The following KLHL32 variants were observed in gnomAD, a reference collection of about 807,000 sequenced individuals.
KLHL32 encodes the protein kelch-like protein 32.
KLHL32 carries 35 observed loss-of-function variants against 64.8 expected under a neutral mutation model. The ratio of observed to expected loss-of-function variants is 0.54; its 90% CI spans 0.41 to 0.72. The LOEUF (loss-of-function observed/expected upper bound fraction) is 0.72. Ranked by LOEUF, KLHL32 falls within the 30% of genes least tolerant of loss-of-function variation. The pLI, the probability that KLHL32 is intolerant of heterozygous loss-of-function variation, is 0.00. For synonymous variants in KLHL32, 259 were observed against 281.0 expected (o/e 0.92, Z 0.78); for missense variants, 589 against 768.5 (o/e 0.77, Z 2.76).
intron 6 of KLHL32, among the ~76,000 whole-genome samples, chr6:97,105,795 A>G (rs1290094083): frequency 6.6e-6 from 1 of 152,208 alleles, no homozygotes; most frequent in Non-Finnish European, 1.5e-5. Context: ...CTTTTAGACA[A>G]TGACATAGGG....
intron 6 of KLHL32, among the ~76,000 whole-genome samples, chr6:97,105,742 A>T (rs1199211444): frequency 6.6e-6 from 1 of 151,408 alleles, no homozygotes; most frequent in Non-Finnish European, 1.5e-5. Context: ...CTTTCAGTGA[A>T]AGACAATATT....
chr6:97,036,699 TG>T (rs1250230037), intron 3 of KLHL32, among the ~76,000 whole-genome samples: 11 of 152,268 alleles, frequency 7.2e-5, no homozygotes, highest in Non-Finnish European at 1.6e-4. Context: ...TCATGGTGCA[TG>T]GGGGTGCCAG....
At chr6:96,985,346 T>A (rs1025229339) in intron 3 of KLHL32, among the ~76,000 whole-genome samples, 4 of 152,172 alleles carry the variant, frequency 2.6e-5, no homozygotes, top group Non-Finnish European at 5.9e-5. Flanking sequence ...GACAATTATG[T>A]GTCTTGGAGT....
At chr6:97,070,745 A>G (rs1219066230) in intron 5 of KLHL32, among the ~76,000 whole-genome samples, 1 of 152,164 alleles carries the variant, frequency 6.6e-6, no homozygotes, top group African/African-American at 2.4e-5. Context: ...TTCAGTATGC[A>G]TTTTTCTTCT....
intron 1 of KLHL32, among the ~76,000 whole-genome samples, chr6:96,952,027 C>G (rs1772688431): frequency 6.6e-6 from 1 of 152,144 alleles, no homozygotes; most frequent in Admixed American, 6.5e-5. Flanking sequence ...GGATTCCCCC[C>G]ACATCCTAAA....
intron 3 of KLHL32, among the ~76,000 whole-genome samples, chr6:96,998,892 C>T (rs1778700790): frequency 6.6e-6 from 1 of 152,270 alleles, no homozygotes; most frequent in Middle Eastern, 3.4e-3. Context: ...CAAATGAATA[C>T]TTTGGCTTAC....
intron 7 of KLHL32, among the ~76,000 whole-genome samples, chr6:97,114,962 A>G (rs1395406798): frequency 6.6e-6 from 1 of 152,244 alleles, no homozygotes; most frequent in Non-Finnish European, 1.5e-5. Context: ...TATATATCCA[A>G]GTAATCACTA....
intron 4 of KLHL32, among the ~76,000 whole-genome samples, chr6:97,042,056 T>C (rs1248901999): frequency 6.6e-6 from 1 of 152,172 alleles, no homozygotes; most frequent in East Asian, 1.9e-4. Context: ...ATTAGTAGAT[T>C]GTGATGGTTT....
Position 97,139,878 on chromosome 6 carries a change from T to C in KLHL32, c.*596T>C, listed in dbSNP as rs1471897863. The C allele has an allele frequency of 6.6e-6, 1 of 152,208 alleles. No individual in the cohort carries two copies. Among genetic ancestry groups the C allele is most frequent in the African/African-American group, 2.4e-5 (1 of 41,468 alleles). The allele number at this position is 152,208 out of a possible 1,614,324, so 9.4% of individuals were successfully genotyped here. On this transcript the variant is annotated 3_prime_UTR_variant, in exon 11 of 11. Transcript: ENST00000369261. ...ATTTTTCACCTTGGTTACTCTGACCTTGGGTCAGAACCTAACTTTACAGTG... is the reference window on the plus strand; with the variant it reads ...ATTTTTCACCTTGGTTACTCTGACCCTGGGTCAGAACCTAACTTTACAGTG...
chr6:97,103,198 A>G lies in KLHL32; in HGVS notation c.628-10585A>G, dbSNP rs60860969. ...GTAAAATATATGTGAACAATTTACT[A>G]AAACTTGAATTTATCTTTTTTTTTT... On this transcript the variant is annotated intron_variant, in intron 6 of 10. Coordinates refer to ENST00000369261, the MANE Select transcript of KLHL32 (RefSeq NM_052904.4). 5.7e-3 allele frequency among the ~76,000 whole-genome samples: 850 copies of G among 150,220 alleles called. 5 individuals are homozygous for G. Among genetic ancestry groups the G allele is most frequent in the Middle Eastern group, 0.031 (9 of 286 alleles).
At chr6:96,954,103 C>T (rs903651590) in intron 1 of KLHL32, among the ~76,000 whole-genome samples, 1 of 152,058 alleles carries the variant, frequency 6.6e-6, no homozygotes, top group Non-Finnish European at 1.5e-5. Flanking sequence ...TCCTGAATCA[C>T]ATGTCTTCCT....
chr6:97,137,521 CGTT>C (rs1308640951), intron 10 of KLHL32, among the ~76,000 whole-genome samples: 1 of 151,922 alleles, frequency 6.6e-6, no homozygotes. Context: ...TAAAATAATG[CGTT>C]GTTGAAGTTA....
At chr6:96,902,829 T>A in the KLHL32 span, among the ~76,000 whole-genome samples, 1 of 152,296 alleles carries the variant, frequency 6.6e-6, no homozygotes, top group East Asian at 1.9e-4. Flanking sequence ...CCCAGCAACA[T>A]TTATTAAATA....
chr6:97,042,857 G>A (rs1785336026), intron 4 of KLHL32, among the ~76,000 whole-genome samples: 1 of 152,206 alleles, frequency 6.6e-6, no homozygotes, highest in Admixed American at 6.5e-5. Flanking sequence ...GATCCCCAGT[G>A]TTGGAGGTCG....
chr6:96,910,651 C>T, the KLHL32 span, among the ~76,000 whole-genome samples: 1 of 152,098 alleles, frequency 6.6e-6, no homozygotes, highest in Non-Finnish European at 1.5e-5. Flanking sequence ...TTTTTAAAAT[C>T]AATTGTATCT....
chr6:97,066,109 A>C (rs543595161), intron 5 of KLHL32, among the ~76,000 whole-genome samples: 1 of 152,334 alleles, frequency 6.6e-6, no homozygotes, highest in South Asian at 2.1e-4. Flanking sequence ...TAAGACTTCA[A>C]AAGTGTGTGT....
chr6:96,938,154 T>A (rs534628975), intron 1 of KLHL32, among the ~76,000 whole-genome samples: 11 of 152,344 alleles, frequency 7.2e-5, no homozygotes, highest in African/African-American at 2.6e-4. Flanking sequence ...TATCTGTATA[T>A]GTTTTCCTAA....
intron 4 of KLHL32, among the ~76,000 whole-genome samples, chr6:97,051,196 G>A (rs1786844341): frequency 6.6e-6 from 1 of 152,116 alleles, no homozygotes; most frequent in Admixed American, 6.5e-5. Context: ...TAGATGACAA[G>A]GATGAGTGTG....
intron 1 of KLHL32, among the ~76,000 whole-genome samples, chr6:96,949,114 G>A (rs1395120542): frequency 2.6e-5 from 4 of 152,068 alleles, no homozygotes; most frequent in African/African-American, 9.7e-5. Flanking sequence ...GTTATCCAGT[G>A]TTTTCTTGTT....
Sources: gnomAD v4.1 joint callset for allele counts (sites outside exome capture counted in the v4.1 genomes callset) on GRCh38, gnomAD v4.1.1 for gene constraint, MANE v1.5 for transcripts, NCBI Gene and HGNC (gene_info 2026-07-23, HGNC 2026-07-21) for gene names.